The following CADPS2 variants were observed in gnomAD, a reference collection of about 807,000 sequenced individuals.
CADPS2 encodes calcium dependent secretion activator 2, also known as calcium-dependent secretion activator 2.
A neutral mutation model predicts 172.5 loss-of-function variants in CADPS2; 93 were observed. That is an observed-to-expected ratio of 0.54 (90% confidence interval 0.46 to 0.64). The LOEUF (loss-of-function observed/expected upper bound fraction) is 0.64. Ranked by LOEUF, CADPS2 falls within the 30% of genes least tolerant of loss-of-function variation. CADPS2 has a pLI of 0.00. For missense variants in CADPS2, 1,420 were observed against 1,565.9 expected (o/e 0.91, Z 1.57); for synonymous variants, 546 against 555.2 (o/e 0.98, Z 0.23).
At chr7:122,851,688 G>T (rs1208232403) in intron 1 of CADPS2, among the ~76,000 whole-genome samples, 1 of 152,120 alleles carries the variant, frequency 6.6e-6, no homozygotes, top group Non-Finnish European at 1.5e-5. Context: ...AACTTATATG[G>T]CAACAGTCAA....
chr7:122,609,847 T>C (rs956351234), intron 6 of CADPS2, among the ~76,000 whole-genome samples: 2 of 152,124 alleles, frequency 1.3e-5, no homozygotes, highest in African/African-American at 4.8e-5. Context: ...TGTTGAAGCA[T>C]TAAAATTTGG....
chr7:122,502,646 A>G (rs969611146), intron 9 of CADPS2, among the ~76,000 whole-genome samples: 1 of 152,078 alleles, frequency 6.6e-6, no homozygotes, highest in Non-Finnish European at 1.5e-5. Context: ...ACTTAATTAT[A>G]TTTCTATAAC....
chr7:122,615,026 G>A (rs1295136435), intron 6 of CADPS2, among the ~76,000 whole-genome samples, 155 bp downstream of exon 6: 4 of 151,908 alleles, frequency 2.6e-5, no homozygotes, highest in Non-Finnish European at 5.9e-5. Context: ...ATCTAGAAAG[G>A]GACACACTAG....
chr7:122,326,542 C>T (rs2033913017), intron 28 of CADPS2, among the ~76,000 whole-genome samples: 1 of 152,016 alleles, frequency 6.6e-6, no homozygotes, highest in African/African-American at 2.4e-5. Context: ...TCAATGTCCA[C>T]TCAGCATTTA....
intron 9 of CADPS2, among the ~76,000 whole-genome samples, chr7:122,499,635 T>C (rs998020656): frequency 1.1e-4 from 16 of 152,138 alleles, no homozygotes; most frequent in African/African-American, 3.4e-4. Flanking sequence ...TTTATATGTA[T>C]GAGAAAAACT....
intron 3 of CADPS2, among the ~76,000 whole-genome samples, chr7:122,657,954 C>T (rs1051816849): frequency 1.3e-5 from 2 of 152,074 alleles, no homozygotes; most frequent in African/African-American, 4.8e-5. Context: ...GAACAGGCAA[C>T]CTACAGAATG....
intron 28 of CADPS2, among the ~76,000 whole-genome samples, chr7:122,344,332 C>T (rs1248390408): frequency 6.6e-6 from 1 of 152,080 alleles, no homozygotes; most frequent in African/African-American, 2.4e-5. Flanking sequence ...GTGAATTATG[C>T]AAAGTTATGT....
At chr7:122,382,012 A>G (rs1018866429) in intron 24 of CADPS2, among the ~76,000 whole-genome samples, 5 of 152,112 alleles carry the variant, frequency 3.3e-5, no homozygotes, top group Admixed American at 3.3e-4. Flanking sequence ...TGGAGGTCGT[A>G]TAGGCACATG....
At chr7:122,677,452 G>A (rs1322738125) in intron 2 of CADPS2, among the ~76,000 whole-genome samples, 1 of 152,182 alleles carries the variant, frequency 6.6e-6, no homozygotes, top group African/African-American at 2.4e-5. Flanking sequence ...GAGGAGGACG[G>A]GTGGGCTTTG....
At chr7:122,740,218 C>T (rs2092390456) in intron 1 of CADPS2, among the ~76,000 whole-genome samples, 1 of 152,184 alleles carries the variant, frequency 6.6e-6, no homozygotes, top group Non-Finnish European at 1.5e-5. Context: ...CCAGTAATCA[C>T]AGTCCTTAGT....
intron 1 of CADPS2, among the ~76,000 whole-genome samples, chr7:122,861,007 T>C (rs1369132393): frequency 6.6e-6 from 1 of 152,242 alleles, no homozygotes; most frequent in East Asian, 1.9e-4. Context: ...CATCCAATGA[T>C]AGACATTTAA....
intron 12 of CADPS2, among the ~76,000 whole-genome samples, chr7:122,476,996 G>GGGAGAGGAGA (rs1208335745): frequency 8.3e-5 from 4 of 48,036 alleles, no homozygotes; most frequent in Non-Finnish European, 1.7e-4. Context: ...GGGAGGGGAG[G>GGGAGAGGAGA]GGAGAGGAGA....
chr7:122,407,452 G>C, intron 20 of CADPS2, 88 bp downstream of exon 20: 1 of 1,361,874 alleles, frequency 7.3e-7, no homozygotes, highest in East Asian at 2.5e-5. Context: ...TTGTCAGGCC[G>C]GTGTGAGGGC....
intron 1 of CADPS2, among the ~76,000 whole-genome samples, chr7:122,809,893 T>C (rs1005675053): frequency 3.3e-5 from 5 of 152,194 alleles, no homozygotes; most frequent in Admixed American, 1.3e-4. Flanking sequence ...TAAGCCAGAA[T>C]TTCCAAAATT....
intron 1 of CADPS2, among the ~76,000 whole-genome samples, chr7:122,835,868 C>T (rs143749435): frequency 0.016 from 2,430 of 152,206 alleles, 29 homozygotes; most frequent in Non-Finnish European, 0.025. Context: ...GGATATTATC[C>T]GGGAGAACTT....
chr7:122,446,102 G>T (rs1469663904), intron 15 of CADPS2, among the ~76,000 whole-genome samples: 1 of 152,020 alleles, frequency 6.6e-6, no homozygotes, highest in Admixed American at 6.6e-5. Flanking sequence ...GTTAGCCGTA[G>T]GTCTACCATC....
intron 2 of CADPS2, among the ~76,000 whole-genome samples, chr7:122,724,653 G>A (rs1164847045): frequency 6.6e-6 from 1 of 152,008 alleles, no homozygotes; most frequent in African/African-American, 2.4e-5. Flanking sequence ...ATAAACTCAA[G>A]TATGGGAAGG....
intron 1 of CADPS2, among the ~76,000 whole-genome samples, chr7:122,852,331 AACTG>A (rs1306176626): frequency 3.9e-5 from 6 of 152,214 alleles, no homozygotes; most frequent in African/African-American, 1.4e-4. Context: ...CTATGAACAA[AACTG>A]ACAGGAGAAT....
At chr7:122,497,549 T>C (rs930835953) in intron 9 of CADPS2, among the ~76,000 whole-genome samples, 7 of 152,200 alleles carry the variant, frequency 4.6e-5, no homozygotes, top group African/African-American at 1.7e-4. Context: ...TTCCCATCTG[T>C]TAACTCAGTC....
Sources: allele counts gnomAD v4.1 joint callset (sites outside exome capture counted in the v4.1 genomes callset), GRCh38; gene constraint gnomAD v4.1.1; transcripts MANE v1.5; gene names NCBI Gene and HGNC (gene_info 2026-07-23, HGNC 2026-07-21).